Variants in PRICKLE1 observed in about 807,000 individuals in gnomAD.
The protein encoded by PRICKLE1 is prickle-like protein 1.
PRICKLE1 carries 14 observed loss-of-function variants against 70.2 expected under a neutral mutation model. That is an observed-to-expected ratio of 0.20 (90% CI 0.13 to 0.31). The LOEUF (loss-of-function observed/expected upper bound fraction) is 0.31, where lower values mean the gene tolerates loss of function less well. Among genes scored for constraint, PRICKLE1 ranks in the 10% least tolerant of loss-of-function variants. The pLI is 1.00. For synonymous variants in PRICKLE1, 357 were observed against 379.9 expected, an observed-to-expected ratio of 0.94 and a Z score of 0.70; for missense variants, 821 against 1,026.2, an observed-to-expected ratio of 0.80 and a Z score of 2.73.
intron 7 of PRICKLE1, among the ~76,000 whole-genome samples, chr12:42,460,926 G>A (rs1209070259): frequency 3.3e-5 from 5 of 152,178 alleles, no homozygotes; most frequent in South Asian, 4.2e-4. Context: ...TAGTTGCCCG[G>A]GCTGGAGTGC....
At chr12:42,480,362 G>C (rs1013301957) in intron 1 of PRICKLE1, among the ~76,000 whole-genome samples, 1 of 152,104 alleles carries the variant, frequency 6.6e-6, no homozygotes, top group Non-Finnish European at 1.5e-5. Flanking sequence ...TGAAGTGGGA[G>C]GATTGCTTGA....
chr12:42,589,538 G>C lies in PRICKLE1; in HGVS notation c.-122C>G, dbSNP rs2120832338. 2 of 154,696 alleles carry C rather than the reference G, an allele frequency of 1.3e-5. No homozygotes were observed. Among genetic ancestry groups the C allele is most frequent in the South Asian group, 3.6e-4 (2 of 5,600 alleles). 9.6% of individuals were successfully genotyped at this position (154,696 alleles called of 1,614,324 possible). A position where few individuals can be genotyped will look rare whatever the true frequency, so the allele number is the denominator to read the frequency against. Reference sequence around the variant, plus strand: ...CGGGGCTGCTGGGCTGCGGGGCTGCGGGGCTGAGGAGCTGCGGTCCGCGGC... The same window carrying C: ...CGGGGCTGCTGGGCTGCGGGGCTGCCGGGCTGAGGAGCTGCGGTCCGCGGC... On this transcript the variant is annotated 5_prime_UTR_variant, in exon 1 of 8. Transcript: ENST00000345127. This position sits in a 1 kb window ranked among gnomAD's most constrained non-coding sequence, Gnocchi z 5.0.
At chr12:42,517,107 C>T (rs1452799628) in intron 1 of PRICKLE1, among the ~76,000 whole-genome samples, 2 of 152,198 alleles carry the variant, frequency 1.3e-5, no homozygotes, top group African/African-American at 4.8e-5. Context: ...TCAATCTGTA[C>T]TTCCAGATTA....
chr12:42,508,890 T>C (rs1229620224), intron 1 of PRICKLE1, among the ~76,000 whole-genome samples: 1 of 152,234 alleles, frequency 6.6e-6, no homozygotes, highest in East Asian at 1.9e-4. Flanking sequence ...CAGCGGCAGA[T>C]GATCTCTAAG....
At chr12:42,503,362 G>T (rs143425755) in intron 1 of PRICKLE1, among the ~76,000 whole-genome samples, 1 of 152,178 alleles carries the variant, frequency 6.6e-6, no homozygotes, top group Admixed American at 6.6e-5. Context: ...CACCTGGGAT[G>T]AGCATGTCCA....
intron 2 of PRICKLE1, among the ~76,000 whole-genome samples, chr12:42,471,334 G>A (rs1809260688): frequency 6.6e-6 from 1 of 152,042 alleles, no homozygotes; most frequent in African/African-American, 2.4e-5. Context: ...ATACTGCAGA[G>A]CTGAGAAGGA....
intron 1 of PRICKLE1, among the ~76,000 whole-genome samples, chr12:42,531,999 AAAAT>A (rs1939926506): frequency 6.6e-6 from 1 of 152,162 alleles, no homozygotes; most frequent in South Asian, 2.1e-4. Flanking sequence ...CTCTACCAAA[AAAAT>A]AAATAAATAA....
chr12:42,505,083 G>A (rs1467349655), intron 1 of PRICKLE1, among the ~76,000 whole-genome samples: 2 of 152,148 alleles, frequency 1.3e-5, no homozygotes, highest in African/African-American at 4.8e-5. Flanking sequence ...AGGTTGCAGT[G>A]AGCCTAGACT....
intron 1 of PRICKLE1, among the ~76,000 whole-genome samples, chr12:42,488,350 C>T (rs1381327043): frequency 6.6e-6 from 1 of 152,192 alleles, no homozygotes; most frequent in Non-Finnish European, 1.5e-5. Context: ...GGACCAGGTC[C>T]GTTCATTGAC....
chr12:42,509,051 T>A (rs1046733287), intron 1 of PRICKLE1, among the ~76,000 whole-genome samples: 2 of 152,190 alleles, frequency 1.3e-5, no homozygotes, highest in Admixed American at 1.3e-4. Flanking sequence ...GTAGAAACAA[T>A]TGCATGTGGT....
At chr12:42,472,706 A>G in intron 1 of PRICKLE1, 142 bp from the exon 2 acceptor site, 1 of 660,024 alleles carries the variant, frequency 1.5e-6, no homozygotes, top group Non-Finnish European at 2.6e-6. Context: ...CACCACCCCC[A>G]GGCCCCAGGC....
intron 1 of PRICKLE1, among the ~76,000 whole-genome samples, chr12:42,512,875 G>T (rs1488651698): frequency 6.6e-6 from 1 of 152,104 alleles, no homozygotes; most frequent in Non-Finnish European, 1.5e-5. Context: ...TGGAAGTCAG[G>T]CATTGACTTC....
At chr12:42,520,834 A>G (rs60593679) in intron 1 of PRICKLE1, among the ~76,000 whole-genome samples, 11,227 of 152,304 alleles carry the variant, frequency 0.074, 485 homozygotes, top group Middle Eastern at 0.12. Flanking sequence ...TCATGATGTG[A>G]GAGTCTGTGC....
In PRICKLE1 at chr12:42,459,640, T is replaced by C; in HGVS notation, c.*169A>G. The C allele has an allele frequency of 1.2e-6, 1 of 831,294 alleles. No individual in the cohort carries two copies. Among genetic ancestry groups the C allele is most frequent in the Non-Finnish European group, 1.9e-6 (1 of 513,158 alleles). The allele number at this position is 831,294 out of a possible 1,614,324, so 51.5% of individuals were successfully genotyped here. On this transcript the variant is annotated 3_prime_UTR_variant, in exon 8 of 8. Coordinates refer to ENST00000345127, the MANE Select transcript of PRICKLE1 (RefSeq NM_153026.3). ...ATCCAAAGAGGGTAAATTGGAGAAA[T>C]CACACCTTTCAAATGTTAATCTGAC...
At chr12:42,552,681 A>G (rs770141529) in intron 1 of PRICKLE1, among the ~76,000 whole-genome samples, 4 of 152,222 alleles carry the variant, frequency 2.6e-5, no homozygotes, top group Non-Finnish European at 4.4e-5. Flanking sequence ...GAGCGCTGTG[A>G]GTAGTAGTAG....
intron 1 of PRICKLE1, among the ~76,000 whole-genome samples, chr12:42,545,409 A>G (rs537615447): frequency 6.6e-6 from 1 of 152,382 alleles, no homozygotes; most frequent in South Asian, 2.1e-4. Context: ...GCACAAAGCC[A>G]TGCTGCATTC....
Position 42,505,477 on chromosome 12 carries a change from C to T in PRICKLE1, c.-48-32913G>A, listed in dbSNP as rs1160359260. ...TTGAGACAGAGTCTCACTCTGTTGC[C>T]CAGGCTGGAGTGCAGTGGTGTGATC... On this transcript the variant is annotated intron_variant, in intron 1 of 7. Coordinates refer to ENST00000345127, the MANE Select transcript of PRICKLE1 (RefSeq NM_153026.3). Among the ~76,000 whole-genome samples the T allele has an allele frequency of 5.3e-5, 8 of 152,026 alleles. No individual in the cohort carries two copies. In the South Asian group the frequency reaches 6.2e-4, roughly 12 times the overall value.
At chr12:42,507,810 T>C (rs1458400404) in intron 1 of PRICKLE1, among the ~76,000 whole-genome samples, 1 of 152,226 alleles carries the variant, frequency 6.6e-6, no homozygotes, top group African/African-American at 2.4e-5. Flanking sequence ...AGACTAGACA[T>C]AAGCTTATCT....
chr12:42,562,779 T>C (rs973879292), intron 1 of PRICKLE1, among the ~76,000 whole-genome samples: 10 of 152,150 alleles, frequency 6.6e-5, no homozygotes, highest in Admixed American at 2.0e-4. Flanking sequence ...AAAAAAATTG[T>C]ATAACAGTGG....
Sources: allele counts gnomAD v4.1 joint callset (sites outside exome capture counted in the v4.1 genomes callset), GRCh38; gene constraint gnomAD v4.1.1; non-coding constraint Gnocchi (gnomAD v3.1); transcripts MANE v1.5; gene names NCBI Gene and HGNC (gene_info 2026-07-23, HGNC 2026-07-21).